Variants in RGL1 observed in about 807,000 individuals in gnomAD.
The protein encoded by RGL1 is ral guanine nucleotide dissociation stimulator-like 1.
RGL1 carries 24 observed loss-of-function variants against 95.2 expected under a neutral mutation model. The ratio of observed to expected loss-of-function variants is 0.25; its 90% CI spans 0.18 to 0.35. The LOEUF (loss-of-function observed/expected upper bound fraction) is 0.35. Among genes scored for constraint, RGL1 ranks in the 10% least tolerant of loss-of-function variants. The pLI is 1.00. For synonymous variants in RGL1, 329 were observed against 344.9 expected (o/e 0.95, Z 0.51); for missense variants, 715 against 936.3 (o/e 0.76, Z 3.08).
intron 3 of RGL1, among the ~76,000 whole-genome samples, chr1:183,859,908 A>T (rs1000567616): frequency 6.6e-6 from 1 of 152,200 alleles, no homozygotes; most frequent in African/African-American, 2.4e-5. Context: ...GGTGCCTGCC[A>T]TGGAGGATAT....
At chr1:183,779,638 G>A (rs1016940841) in intron 2 of RGL1, among the ~76,000 whole-genome samples, 1 of 152,192 alleles carries the variant, frequency 6.6e-6, no homozygotes, top group Non-Finnish European at 1.5e-5. Flanking sequence ...TTCTAGGACA[G>A]TGTGTGAGGT....
rs753145856 is a variant in RGL1, at chr1:183,806,393, G to A, written c.46G>A (p.Gly16Ser). The change falls in exon 2 of 18, where the codon GGT (glycine) becomes AGT (serine). Residue 16 changes from glycine to serine, a missense_variant. Gly to Ser is a moderately conservative substitution (Grantham distance 56). This residue lies in a region of RGL1 where 381 missense variants were observed against 484.8 expected (regional missense o/e 0.79). Coordinates refer to ENST00000360851, the MANE Select transcript of RGL1 (RefSeq NM_001297671.3). ...CTGGCAGAGCTCGATTCAGGACTGG[G>A]GTGAAGAGGTAGAGGAAGGAGCTGT... ...QAKMSSIQDW[G>S]EEVEEGAVYH... 1 of 1,613,832 alleles carries A rather than the reference G, an allele frequency of 6.2e-7. No individual in the cohort carries two copies. Among genetic ancestry groups the A allele is most frequent in the South Asian group, 1.1e-5 (1 of 91,068 alleles).
At chr1:183,880,545 C>T (rs1666764783) in intron 4 of RGL1, 71 bp from the exon 5 acceptor site, 1 of 1,472,484 alleles carries the variant, frequency 6.8e-7, no homozygotes, top group Non-Finnish European at 9.4e-7. Context: ...GGGGTCCACC[C>T]TGGTGTCCAG....
In RGL1 at chr1:183,673,595, A is replaced by T. The variant is rs552672882; in HGVS notation, c.-33+37094A>T. On this transcript the variant is annotated intron_variant, in intron 1 of 18. Coordinates refer to the RGL1 transcript ENST00000304685. The stretch of plus-strand genomic sequence containing the variant: ...ATGCCAGTGCAGCAGTTCTATGTTT[A>T]TGTCTTTTTCTGATTTTGGTTCTAA... Among the ~76,000 whole-genome samples the T allele has an allele frequency of 1.2e-4, 19 of 152,264 alleles. No individual in the cohort carries two copies. The East Asian group carries it at 3.7e-3, about 29-fold the overall frequency.
At position 183,800,095 on chromosome 1, in the gene RGL1, C is replaced by T. The variant is rs556525092; in HGVS notation, c.133-6280C>T. ...GTCATCCAGAGCTGGAATTTAAACT[C>T]ATATGCCATATGTCCCATCATTTAC... On this transcript the variant is annotated intron_variant, in intron 2 of 18. Transcript: ENST00000304685. 2.6e-5 allele frequency among the ~76,000 whole-genome samples: 4 copies of T among 152,328 alleles called. No homozygotes were observed. The South Asian group carries it at 8.3e-4, about 32-fold the overall frequency.
chr1:183,839,521 C>CTAT (rs1187128548), intron 2 of RGL1, among the ~76,000 whole-genome samples: 1 of 152,138 alleles, frequency 6.6e-6, no homozygotes, highest in Non-Finnish European at 1.5e-5. Context: ...TTCTCCATTC[C>CTAT]TATTATTGTA....
intron 1 of RGL1, chr1:183,648,382 A>G (rs752674092): frequency 3.7e-6 from 6 of 1,614,144 alleles, no homozygotes; most frequent in Admixed American, 1.7e-5. Flanking sequence ...TTGCTGATGC[A>G]GCAGTGGTTA....
chr1:183,770,744 C>T (rs1354306701), intron 2 of RGL1, among the ~76,000 whole-genome samples: 2 of 152,148 alleles, frequency 1.3e-5, no homozygotes, highest in African/African-American at 2.4e-5. Flanking sequence ...ATGTGTTGAT[C>T]TGGTAAGTTT....
intron 2 of RGL1, among the ~76,000 whole-genome samples, chr1:183,793,473 G>A (rs527426260): frequency 6.6e-6 from 1 of 152,244 alleles, no homozygotes; most frequent in Admixed American, 6.5e-5. Flanking sequence ...AATCCACAGA[G>A]TGAAGAGACA....
At chr1:183,727,253 A>G (rs923029394) in intron 1 of RGL1, among the ~76,000 whole-genome samples, 9 of 152,286 alleles carry the variant, frequency 5.9e-5, no homozygotes, top group African/African-American at 1.2e-4. Flanking sequence ...TGGGACAAAA[A>G]CCATATCATC....
chr1:183,782,494 G>T (rs542185865), intron 2 of RGL1, among the ~76,000 whole-genome samples: 124 of 152,278 alleles, frequency 8.1e-4, no homozygotes, highest in South Asian at 5.0e-3. Flanking sequence ...TTTGAGGTCT[G>T]TTTGGCATCA....
chr1:183,810,303 T>C (rs965316428), intron 2 of RGL1, among the ~76,000 whole-genome samples: 1 of 152,182 alleles, frequency 6.6e-6, no homozygotes, highest in Non-Finnish European at 1.5e-5. Flanking sequence ...ACAAGCAAGA[T>C]TGTGAGTGCT....
intron 1 of RGL1, among the ~76,000 whole-genome samples, chr1:183,714,736 C>T (rs928753388): frequency 1.3e-5 from 2 of 152,086 alleles, no homozygotes; most frequent in African/African-American, 4.8e-5. Flanking sequence ...ATAACTGTAT[C>T]GAATGCTTAA....
intron 1 of RGL1, among the ~76,000 whole-genome samples, chr1:183,713,375 C>A (rs1655409731): frequency 4.0e-5 from 1 of 25,230 alleles, no homozygotes; most frequent in South Asian, 1.2e-3. Flanking sequence ...AATCTAGAGG[C>A]ACCCCCCCCC....
intron 10 of RGL1, among the ~76,000 whole-genome samples, chr1:183,899,601 A>G (rs1667899914): frequency 6.6e-6 from 1 of 152,208 alleles, no homozygotes; most frequent in African/African-American, 2.4e-5. Context: ...GGTGACACGA[A>G]TGATGTTGAT....
intron 2 of RGL1, among the ~76,000 whole-genome samples, chr1:183,824,189 G>A (rs4652825): frequency 0.73 from 110,276 of 152,044 alleles, 40,312 homozygotes; most frequent in Middle Eastern, 0.82. Context: ...CTACCCATCC[G>A]TTGTTTTCAG....
chr1:183,805,367 G>C (rs1470067235), intron 1 of RGL1, 43 bp downstream of exon 1: 30 of 1,555,982 alleles, frequency 1.9e-5, no homozygotes, highest in Non-Finnish European at 2.7e-5. Context: ...TCTCTGGTGG[G>C]GAATCTTCTC....
chr1:183,914,292 A>G (rs1668834150), intron 15 of RGL1, among the ~76,000 whole-genome samples: 1 of 152,226 alleles, frequency 6.6e-6, no homozygotes, highest in Admixed American at 6.5e-5. Context: ...CCCTTGCTTC[A>G]TCTTTTTTGT....
At chr1:183,831,197 G>C (rs1228296606) in intron 2 of RGL1, among the ~76,000 whole-genome samples, 1 of 152,192 alleles carries the variant, frequency 6.6e-6, no homozygotes, top group Non-Finnish European at 1.5e-5. Flanking sequence ...GGGTTTATCT[G>C]AGTAAGTACT....
Sources: gnomAD v4.1 joint callset for allele counts (sites outside exome capture counted in the v4.1 genomes callset) on GRCh38, gnomAD v4.1.1 for gene constraint, gnomAD v4.1.1 regional missense constraint, MANE v1.5 for transcripts, NCBI Gene and HGNC (gene_info 2026-07-23, HGNC 2026-07-21) for gene names.